TENM3: variants seen among roughly 807,000 people sequenced by gnomAD.
The protein encoded by TENM3 is teneurin-3.
A neutral mutation model predicts 255.1 loss-of-function variants in TENM3; 63 were observed. That is an observed-to-expected ratio of 0.25 (90% CI 0.20 to 0.30). The LOEUF is 0.30. Among genes scored for constraint, TENM3 ranks in the 10% least tolerant of loss-of-function variants. The pLI is 1.00. For synonymous variants in TENM3, 1,306 were observed against 1,322.3 expected, an observed-to-expected ratio of 0.99 and a Z score of 0.27; for missense variants, 2,929 against 3,461.1, an observed-to-expected ratio of 0.85 and a Z score of 3.86.
chr4:182,477,354 C>T (rs1055395282), intron 3 of TENM3, among the ~76,000 whole-genome samples: 2 of 152,108 alleles, frequency 1.3e-5, no homozygotes, highest in African/African-American at 2.4e-5. Context: ...CGTCTTTTGC[C>T]GTCATCAGCG....
intron 3 of TENM3, among the ~76,000 whole-genome samples, chr4:182,595,194 A>G (rs1747083354): frequency 6.6e-6 from 1 of 152,162 alleles, no homozygotes; most frequent in African/African-American, 2.4e-5. Context: ...GCCTCTCACC[A>G]TGCTGATTCA....
intron 24 of TENM3, among the ~76,000 whole-genome samples, chr4:182,785,341 G>T (rs895604571): frequency 3.4e-4 from 52 of 151,844 alleles, no homozygotes; most frequent in Non-Finnish European, 6.0e-4. Flanking sequence ...CAAAATCTTG[G>T]AATTACAGAC....
chr4:181,501,809 A>C, the TENM3 span, among the ~76,000 whole-genome samples: 1 of 152,226 alleles, frequency 6.6e-6, no homozygotes, highest in Admixed American at 6.5e-5. Flanking sequence ...TAATATAAAT[A>C]AACTGAATTC....
At chr4:181,977,968 G>C in the TENM3 span, among the ~76,000 whole-genome samples, 23 of 152,322 alleles carry the variant, frequency 1.5e-4, 1 homozygote, top group South Asian at 3.5e-3. Context: ...GACTGAGAGA[G>C]AGGCCTTTCA....
At chr4:182,663,370 T>C (rs138631263) in intron 6 of TENM3, among the ~76,000 whole-genome samples, 2 of 152,194 alleles carry the variant, frequency 1.3e-5, no homozygotes, top group Non-Finnish European at 2.9e-5. Flanking sequence ...CTTACAATTA[T>C]TAGTTGTACA....
At chr4:182,576,095 T>C (rs1358778208) in intron 3 of TENM3, among the ~76,000 whole-genome samples, 1 of 152,230 alleles carries the variant, frequency 6.6e-6, no homozygotes, top group Non-Finnish European at 1.5e-5. Flanking sequence ...CGATGAGATT[T>C]TGATATTTAT....
intron 3 of TENM3, among the ~76,000 whole-genome samples, chr4:182,472,494 G>A (rs945849396): frequency 2.0e-5 from 3 of 152,048 alleles, no homozygotes; most frequent in Non-Finnish European, 4.4e-5. Context: ...CAGAAAATGT[G>A]GCTTGGATAT....
chr4:182,748,666 A>G (rs1381354845), intron 19 of TENM3, among the ~76,000 whole-genome samples: 1 of 152,028 alleles, frequency 6.6e-6, no homozygotes, highest in South Asian at 2.1e-4. Context: ...CCCTCTTTTC[A>G]TTTAGGAGAG....
At chr4:181,542,345 T>C in the TENM3 span, among the ~76,000 whole-genome samples, 1 of 152,154 alleles carries the variant, frequency 6.6e-6, no homozygotes, top group South Asian at 2.1e-4. Context: ...AAATCCTGTA[T>C]GGGGCGTCTC....
intron 3 of TENM3, among the ~76,000 whole-genome samples, chr4:182,504,776 GC>G (rs1560841126): frequency 6.6e-6 from 1 of 152,176 alleles, no homozygotes; most frequent in Non-Finnish European, 1.5e-5. Flanking sequence ...CAATATGCCA[GC>G]CTGGTCTGTC....
chr4:181,666,744 A>C, the TENM3 span, among the ~76,000 whole-genome samples: 1 of 152,186 alleles, frequency 6.6e-6, no homozygotes, highest in South Asian at 2.1e-4. Context: ...ATTGTTAACA[A>C]CTGCCATTGC....
At chr4:181,765,416 A>G in the TENM3 span, among the ~76,000 whole-genome samples, 1 of 152,218 alleles carries the variant, frequency 6.6e-6, no homozygotes, top group African/African-American at 2.4e-5. Context: ...TGAAGCATTC[A>G]TAGAATTACC....
At chr4:181,667,718 T>A in the TENM3 span, among the ~76,000 whole-genome samples, 1 of 152,180 alleles carries the variant, frequency 6.6e-6, no homozygotes, top group Non-Finnish European at 1.5e-5. Context: ...CAAGAGCCAA[T>A]ACATTTATTT....
the TENM3 span, among the ~76,000 whole-genome samples, chr4:181,965,601 T>G: frequency 2.5e-4 from 38 of 152,308 alleles, no homozygotes; most frequent in Non-Finnish European, 4.4e-4. Flanking sequence ...CAATAAGTAC[T>G]TAATGGCAGC....
intron 3 of TENM3, among the ~76,000 whole-genome samples, chr4:182,472,262 A>G (rs1411666235): frequency 1.3e-5 from 2 of 152,044 alleles, no homozygotes; most frequent in South Asian, 2.1e-4. Context: ...TACTTTCTCA[A>G]TTTACTAATT....
the TENM3 span, among the ~76,000 whole-genome samples, chr4:181,544,427 A>AAAAAAAAAAAAAAAAC: frequency 6.8e-6 from 1 of 147,978 alleles, no homozygotes; most frequent in African/African-American, 2.5e-5. Context: ...AAAAAAAAAA[A>AAAAAAAAAAAAAAAAC]AAAAAAAAAC....
the TENM3 span, among the ~76,000 whole-genome samples, chr4:181,904,270 C>T: frequency 2.6e-5 from 4 of 152,044 alleles, no homozygotes; most frequent in African/African-American, 7.2e-5. Context: ...CTGACTCTCT[C>T]GTGCTTCTTC....
chr4:182,251,528 G>A (rs1021399813), intron 1 of TENM3, among the ~76,000 whole-genome samples: 3 of 152,176 alleles, frequency 2.0e-5, no homozygotes, highest in African/African-American at 7.2e-5. Context: ...AAAAGTGTGG[G>A]AGAAAATTAA....
the TENM3 span, among the ~76,000 whole-genome samples, chr4:181,801,914 A>G: frequency 1.2e-4 from 19 of 152,056 alleles, no homozygotes; most frequent in South Asian, 3.3e-3. Flanking sequence ...GTCCTTGTTC[A>G]TATGTTATTT....
Sources: allele counts gnomAD v4.1 joint callset (sites outside exome capture counted in the v4.1 genomes callset), GRCh38; gene constraint gnomAD v4.1.1; transcripts MANE v1.5; gene names NCBI Gene and HGNC (gene_info 2026-07-23, HGNC 2026-07-21).